PHACTR3: variants seen among roughly 807,000 people sequenced by gnomAD.
PHACTR3 encodes the protein protein phosphatase 1, regulatory subunit 123.
Under a neutral mutation model 66.8 loss-of-function variants are expected in PHACTR3, and 16 were observed. That is an observed-to-expected ratio of 0.24 (90% confidence interval 0.16 to 0.36). The LOEUF (loss-of-function observed/expected upper bound fraction) is 0.36. Among genes scored for constraint, PHACTR3 ranks in the 10% least tolerant of loss-of-function variants. The pLI, the probability that PHACTR3 is intolerant of heterozygous loss-of-function variation, is 1.00. For missense variants in PHACTR3, 647 were observed against 719.9 expected (o/e 0.90, Z 1.16); for synonymous variants, 323 against 292.1 (o/e 1.11, Z -1.08).
chr20:59,801,865 A>G (rs564699331), intron 7 of PHACTR3, among the ~76,000 whole-genome samples: 2 of 152,338 alleles, frequency 1.3e-5, no homozygotes, highest in Admixed American at 1.3e-4. Context: ...AACATGATAA[A>G]TGCCGGTTTT....
intron 1 of PHACTR3, among the ~76,000 whole-genome samples, chr20:59,716,413 T>C (rs1395228398): frequency 6.6e-6 from 1 of 151,988 alleles, no homozygotes; most frequent in Non-Finnish European, 1.5e-5. Flanking sequence ...CCACCATACC[T>C]GTCTAATTTT....
chr20:59,767,303 C>A lies in PHACTR3; in HGVS notation c.659C>A (p.Pro220His). The change falls in exon 5 of 13, where the codon CCT becomes CAT. Residue 220 changes from proline (P) to histidine (H), a missense_variant. Around this residue, in one of 2 missense-constraint regions of PHACTR3, gnomAD observed 577 missense variants for 571.1 expected, o/e 1.01. Coordinates refer to ENST00000371015, the MANE Select transcript of PHACTR3 (RefSeq NM_080672.5). ...GACTCCCTGGACAGTCCTCCCAGAC[C>A]TCTGGAGAGATCCGTGGGCCAGCTC... ...GADSLDSPPR[P>H]LERSVGQLPS... 6.2e-7 allele frequency: 1 copy of A among 1,614,236 alleles called. No individual in the cohort carries two copies. The highest frequency in any genetic ancestry group is 8.5e-7 in the Non-Finnish European group (1 of 1,180,040).
intron 1 of PHACTR3, among the ~76,000 whole-genome samples, chr20:59,668,649 A>G (rs1174897161): frequency 2.0e-5 from 3 of 152,236 alleles, no homozygotes; most frequent in Admixed American, 2.0e-4. Context: ...AGGAAATGAC[A>G]TGTGCCTTAG....
At chr20:59,730,296 A>G (rs2038717704) in intron 1 of PHACTR3, among the ~76,000 whole-genome samples, 1 of 152,236 alleles carries the variant, frequency 6.6e-6, no homozygotes. Context: ...ATAGGAGTTC[A>G]TCAGAGAAAA....
intron 1 of PHACTR3, among the ~76,000 whole-genome samples, chr20:59,578,455 C>G (rs1026065284): frequency 6.6e-6 from 1 of 152,190 alleles, no homozygotes; most frequent in African/African-American, 2.4e-5. Flanking sequence ...CAGGCCTGCC[C>G]CTTGCAATCT....
At chr20:59,665,701 G>C (rs1601041849) in intron 1 of PHACTR3, among the ~76,000 whole-genome samples, 1 of 152,116 alleles carries the variant, frequency 6.6e-6, no homozygotes, top group African/African-American at 2.4e-5. Context: ...CTGCAGAGGG[G>C]CTGAGAGGGG....
At chr20:59,648,247 C>T (rs2035349353) in intron 1 of PHACTR3, among the ~76,000 whole-genome samples, 2 of 152,194 alleles carry the variant, frequency 1.3e-5, no homozygotes, top group Admixed American at 1.3e-4. Flanking sequence ...TGCTGTGAGG[C>T]CACATTTCCT....
chr20:59,810,472 C>T (rs1231660124), intron 8 of PHACTR3, among the ~76,000 whole-genome samples: 1 of 152,222 alleles, frequency 6.6e-6, no homozygotes, highest in Non-Finnish European at 1.5e-5. Context: ...CATTTGTTTT[C>T]CCTACAGCAG....
At chr20:59,637,532 C>T (rs975036421) in intron 1 of PHACTR3, among the ~76,000 whole-genome samples, 1 of 152,140 alleles carries the variant, frequency 6.6e-6, no homozygotes, top group East Asian at 1.9e-4. Flanking sequence ...AGATTAAATG[C>T]TCCATAGAAA....
At chr20:59,735,831 A>G (rs983070644) in intron 1 of PHACTR3, among the ~76,000 whole-genome samples, 4 of 152,172 alleles carry the variant, frequency 2.6e-5, no homozygotes, top group African/African-American at 4.8e-5. Context: ...CCAGGGCACA[A>G]TCTGAGAGTA....
intron 1 of PHACTR3, among the ~76,000 whole-genome samples, chr20:59,621,698 C>G (rs1418337030): frequency 1.3e-5 from 2 of 152,208 alleles, no homozygotes; most frequent in Non-Finnish European, 2.9e-5. Flanking sequence ...ACAAAAGTGA[C>G]AGGGAGCACA....
intron 1 of PHACTR3, among the ~76,000 whole-genome samples, chr20:59,581,414 T>C (rs2032853359): frequency 6.6e-6 from 1 of 152,182 alleles, no homozygotes; most frequent in Non-Finnish European, 1.5e-5. Flanking sequence ...GCCCCTCAGG[T>C]CTGCTTCTCC....
intron 1 of PHACTR3, among the ~76,000 whole-genome samples, chr20:59,578,288 G>A (rs2032772616): frequency 6.6e-6 from 1 of 152,224 alleles, no homozygotes; most frequent in South Asian, 2.1e-4. Flanking sequence ...CAAGGCTAGA[G>A]TTTTGCCTGT....
chr20:59,605,219 C>G (rs944898154), intron 1 of PHACTR3, 87 bp downstream of exon 1: 523 of 961,250 alleles, frequency 5.4e-4, no homozygotes, highest in Non-Finnish European at 6.8e-4. Flanking sequence ...GCTCCGCGCC[C>G]CGCCTGCATT....
intron 1 of PHACTR3, chr20:59,628,729 G>A: frequency 1.0e-6 from 1 of 985,538 alleles, no homozygotes; most frequent in Non-Finnish European, 1.2e-6. Flanking sequence ...CCTACTAGGT[G>A]GGCCAGAGAA....
chr20:59,776,629 C>T lies in PHACTR3; in HGVS notation c.1174+2139C>T, dbSNP rs116070945. On this transcript the variant is annotated intron_variant, in intron 7 of 12. Coordinates refer to ENST00000371015, the MANE Select transcript of PHACTR3 (RefSeq NM_080672.5). The stretch of plus-strand genomic sequence containing the variant: ...CCATCCAGATGCAGTGTCCTCACGC[C>T]TGGCGTTAAAGGTATAATGCAGTCA... 9.1e-3 allele frequency among the ~76,000 whole-genome samples: 1,380 copies of T among 152,050 alleles called. 18 individuals are homozygous for T. Among genetic ancestry groups the T allele is most frequent in the African/African-American group, 0.029 (1,217 of 41,508 alleles).
chr20:59,688,948 T>G (rs2036998866), intron 1 of PHACTR3, among the ~76,000 whole-genome samples: 1 of 152,168 alleles, frequency 6.6e-6, no homozygotes, highest in East Asian at 1.9e-4. Context: ...TTTCTGTTAT[T>G]TGGTGGTGCT....
chr20:59,666,067 G>A (rs1327350744), intron 1 of PHACTR3, among the ~76,000 whole-genome samples: 1 of 152,182 alleles, frequency 6.6e-6, no homozygotes, highest in Non-Finnish European at 1.5e-5. Flanking sequence ...GTGAAGGTCT[G>A]TCCAGCTTCC....
rs1049236721 is a variant in PHACTR3 at position 59,720,899 on chromosome 20, G to A, written c.119-22208G>A. Among the ~76,000 whole-genome samples, 26 of 152,150 alleles carry A rather than the reference G, an allele frequency of 1.7e-4. 1 individual carries two copies. The highest frequency in any genetic ancestry group is 5.6e-4 in the African/African-American group (23 of 41,422). On this transcript the variant is annotated intron_variant, in intron 1 of 12. Coordinates refer to ENST00000371015, the MANE Select transcript of PHACTR3 (RefSeq NM_080672.5). ...GCTTTTTGTGGTGTCCTTGAAAATC[G>A]AGTGATTTTCACCCAGGATTTCTGT... is the stretch of plus-strand genomic sequence containing the variant.
Sources: allele counts gnomAD v4.1 joint callset (sites outside exome capture counted in the v4.1 genomes callset), GRCh38; gene constraint gnomAD v4.1.1; regional missense constraint gnomAD v4.1.1; transcripts MANE v1.5; gene names NCBI Gene and HGNC (gene_info 2026-07-23, HGNC 2026-07-21).